AGT: variants seen among roughly 807,000 people sequenced by gnomAD.
AGT encodes angiotensinogen, also known as alpha-1 antiproteinase, antitrypsin.
A neutral mutation model predicts 28.1 loss-of-function variants in AGT; 26 were observed. The observed-to-expected ratio is 0.92, with a 90% CI of 0.68 to 1.28. The LOEUF (loss-of-function observed/expected upper bound fraction) is 1.28. Among genes scored for constraint, AGT ranks in the 50% most tolerant of loss-of-function variants. AGT has a pLI of 0.00. For synonymous variants in AGT, 259 were observed against 259.6 expected, an observed-to-expected ratio of 1.00 and a Z score of 0.02; for missense variants, 596 against 592.3, an observed-to-expected ratio of 1.01 and a Z score of -0.06.
chr1:230,707,886 C>T (rs901379435), intron 2 of AGT, among the ~76,000 whole-genome samples: 2 of 152,152 alleles, frequency 1.3e-5, no homozygotes, highest in South Asian at 4.1e-4. Context: ...TCATGGAAAC[C>T]ACCAGGGCCA....
chr1:230,703,017 G>A lies in AGT; in HGVS notation c.*124C>T. 8.9e-7 allele frequency: 1 copy of A among 1,117,364 alleles called. No individual in the cohort carries two copies. The highest frequency in any genetic ancestry group is 1.3e-6 in the Non-Finnish European group (1 of 785,370). The allele number at this position is 1,117,364 out of a possible 1,614,324, so 69.2% of individuals were successfully genotyped here. On this transcript the variant is annotated 3_prime_UTR_variant, in exon 5 of 5. Transcript: ENST00000366667. Reference sequence around the variant, plus strand: ...CCAGCTCAAAGTCGACTCATTAGAAGAAAAGGTGGGAGACTGGGGGTGACA... The same window carrying A: ...CCAGCTCAAAGTCGACTCATTAGAAAAAAAGGTGGGAGACTGGGGGTGACA...
chr1:230,712,942 A>T, intron 1 of AGT, among the ~76,000 whole-genome samples: 1 of 152,088 alleles, frequency 6.6e-6, no homozygotes, highest in Non-Finnish European at 1.5e-5. Flanking sequence ...GCTGAATGCT[A>T]AAGGTGAAGA....
chr1:230,724,906 C>T (rs1663911980), intron 1 of AGT, among the ~76,000 whole-genome samples: 1 of 151,952 alleles, frequency 6.6e-6, no homozygotes, highest in African/African-American at 2.4e-5. Context: ...TTGACTACAG[C>T]AGGGGAAAAA....
rs553071902 is a variant in AGT, at chr1:230,709,883, G to C, written c.829+112C>G. On this transcript the variant is annotated intron_variant, in intron 2 of 4. Transcript: ENST00000366667. ...CCCCACTTCTCAAGGGTGGTCACCA[G>C]GTATGTCCGCAGGGCTGCCCCCTGC... 2.7e-6 allele frequency: 4 copies of C among 1,505,794 alleles called. No homozygotes were observed. In the East Asian group the frequency reaches 6.8e-5, roughly 26 times the overall value. 93.3% of individuals were successfully genotyped at this position (1,505,794 alleles called of 1,614,324 possible). A position where few individuals can be genotyped will look rare whatever the true frequency, so the allele number is the denominator to read the frequency against.
Position 230,704,174 on chromosome 1 carries a change from G to A in AGT, c.1242+19C>T, listed in dbSNP as rs755500211. The A allele has an allele frequency of 1.9e-6, 3 of 1,614,096 alleles. No individual in the cohort carries two copies. In the African/African-American group the frequency reaches 4.0e-5, roughly 22 times the overall value. On this transcript the variant is annotated intron_variant, in intron 4 of 4. Coordinates refer to ENST00000366667, the MANE Select transcript of AGT (RefSeq NM_001384479.1). ...ACACTTGGAACCCAGGTCAGGCACA[G>A]ACACAGGCTCACACATACCTCCCCC...
intron 1 of AGT, among the ~76,000 whole-genome samples, chr1:230,743,202 G>T (rs1159367206): frequency 6.6e-6 from 1 of 152,112 alleles, no homozygotes; most frequent in East Asian, 1.9e-4. Context: ...TGTTGGCCAG[G>T]CTGGTCTTGA....
chr1:230,727,290 A>G (rs559487084), intron 1 of AGT, among the ~76,000 whole-genome samples: 1 of 152,160 alleles, frequency 6.6e-6, no homozygotes, highest in Non-Finnish European at 1.5e-5. Context: ...GCCTTAACCC[A>G]TGGGTGGCCC....
rs1307588120 is a variant in AGT, at chr1:230,736,165, T to G, written c.-31+9350A>C. The stretch of plus-strand genomic sequence containing the variant: ...AACACATTTATGTTTAAGGCAAAGT[T>G]TGTGTGTGTGTGTGTGTGTGTGTGT... On this transcript the variant is annotated intron_variant, in intron 1 of 4. Transcript: ENST00000681269. Among the ~76,000 whole-genome samples, 25 of 149,534 alleles carry G rather than the reference T, an allele frequency of 1.7e-4. No homozygotes were observed. The South Asian group carries it at 4.2e-3, about 25-fold the overall frequency.
At chr1:230,714,180 C>T (rs2102794276), upstream of AGT, 1 of 152,418 alleles carries the variant, frequency 6.6e-6, no homozygotes, top group South Asian at 2.1e-4. Context: ...GAGCTGTTCC[C>T]AGGCTGCCTG....
intron 1 of AGT, among the ~76,000 whole-genome samples, chr1:230,730,968 T>A (rs1664041522): frequency 6.6e-6 from 1 of 152,212 alleles, no homozygotes; most frequent in Non-Finnish European, 1.5e-5. Context: ...ATTAACCTAA[T>A]AATGCCTCAC....
chr1:230,731,120 A>G (rs1664045987), intron 1 of AGT, among the ~76,000 whole-genome samples: 1 of 152,098 alleles, frequency 6.6e-6, no homozygotes, highest in Non-Finnish European at 1.5e-5. Flanking sequence ...TCCTTTAAAA[A>G]CCTTGTGACG....
chr1:230,741,270 G>A (rs942213830), intron 1 of AGT, among the ~76,000 whole-genome samples: 102 of 152,320 alleles, frequency 6.7e-4, no homozygotes, highest in African/African-American at 2.4e-3. Flanking sequence ...GGGAGATTAG[G>A]CCTTGGAGGA....
chr1:230,743,863 A>C (rs913117276), intron 1 of AGT, among the ~76,000 whole-genome samples: 1 of 152,226 alleles, frequency 6.6e-6, no homozygotes, highest in African/African-American at 2.4e-5. Context: ...AGAAGAAGAG[A>C]AACAAAGGGA....
upstream of AGT, among the ~76,000 whole-genome samples, chr1:230,717,108 T>C (rs916958478): frequency 7.1e-6 from 1 of 141,160 alleles, no homozygotes; most frequent in African/African-American, 2.6e-5. Flanking sequence ...TTTTGTGAGC[T>C]CCAGGTTGGG....
At chr1:230,705,758 T>C (rs546168030) in intron 3 of AGT, among the ~76,000 whole-genome samples, 175 bp downstream of exon 3, 7 of 152,312 alleles carry the variant, frequency 4.6e-5, no homozygotes, top group African/African-American at 1.4e-4. Context: ...GGGTGCTGGC[T>C]GGATAGAGGA....
rs1201671004 is a variant in AGT, at chr1:230,705,956, G to A, written c.1074C>T (p.Asn358=). 9.3e-6 allele frequency: 15 copies of A among 1,614,086 alleles called. No individual in the cohort carries two copies. The highest frequency in any genetic ancestry group is 1.2e-5 in the Non-Finnish European group (14 of 1,180,040). Residue 358 remains asparagine (N), a synonymous_variant, in exon 3 of 5, where the codon AAC becomes AAT. Coordinates refer to ENST00000366667, the MANE Select transcript of AGT (RefSeq NM_001384479.1). ...EGLTFQQNSL[N]WMKKLSPRTI... ...ACCGGGGAGATAGTTTCTTCATCCA[G>A]TTGAGGGAGTTTTGCTGGAAAGTGA...
At chr1:230,741,126 G>C (rs1025826660) in intron 1 of AGT, among the ~76,000 whole-genome samples, 2 of 152,192 alleles carry the variant, frequency 1.3e-5, no homozygotes, top group African/African-American at 4.8e-5. Flanking sequence ...CAGAGAGTTA[G>C]CAGAAGGCAG....
intron 1 of AGT, among the ~76,000 whole-genome samples, chr1:230,727,680 A>G (rs1663969835): frequency 6.6e-6 from 1 of 152,238 alleles, no homozygotes; most frequent in Admixed American, 6.5e-5. Flanking sequence ...CATGCCTAGA[A>G]TGGGAAAATG....
intron 1 of AGT, among the ~76,000 whole-genome samples, chr1:230,729,684 T>C (rs1170939200): frequency 6.6e-6 from 1 of 152,170 alleles, no homozygotes; most frequent in African/African-American, 2.4e-5. Context: ...TGTTTTTCTC[T>C]AGATAAAGCC....
Sources: gnomAD v4.1 joint callset for allele counts (sites outside exome capture counted in the v4.1 genomes callset) on GRCh38, gnomAD v4.1.1 for gene constraint, MANE v1.5 for transcripts, NCBI Gene and HGNC (gene_info 2026-07-23, HGNC 2026-07-21) for gene names.